Variants in MGME1 observed in about 807,000 individuals in gnomAD.
MGME1 encodes mitochondrial genome maintenance exonuclease 1, also known as chromosome 20 open reading frame 72.
A neutral mutation model predicts 33.0 loss-of-function variants in MGME1; 22 were observed. The observed-to-expected ratio is 0.67, with a 90% CI of 0.48 to 0.95. The LOEUF is 0.95. Among genes scored for constraint, MGME1 ranks in the 40% least tolerant of loss-of-function variants. The pLI, the probability that MGME1 is intolerant of heterozygous loss-of-function variation, is 0.00. For synonymous variants in MGME1, 133 were observed against 144.0 expected (o/e 0.92, Z 0.55); for missense variants, 383 against 397.8 (o/e 0.96, Z 0.32).
intron 3 of MGME1, among the ~76,000 whole-genome samples, chr20:17,983,760 T>C (rs961755450): frequency 1.3e-5 from 2 of 152,210 alleles, no homozygotes; most frequent in African/African-American, 4.8e-5. Context: ...GAAATATTCA[T>C]TGAGCTCCTT....
intron 2 of MGME1, among the ~76,000 whole-genome samples, chr20:17,973,989 TC>T: frequency 1.3e-5 from 2 of 151,060 alleles, no homozygotes; most frequent in Admixed American, 6.6e-5. Flanking sequence ...AGCATAACAG[TC>T]CCCCCTCTTT....
chr20:17,968,954 C>G (rs1600370002), upstream of MGME1: 1 of 155,278 alleles, frequency 6.4e-6, no homozygotes, highest in Admixed American at 6.5e-5. Flanking sequence ...CTCCCTGCCT[C>G]TAACTGGTGG....
chr20:17,980,398 T>G (rs1600393578), intron 3 of MGME1, among the ~76,000 whole-genome samples: 2 of 152,118 alleles, frequency 1.3e-5, no homozygotes, highest in East Asian at 3.9e-4. Context: ...AACCTCTGTT[T>G]AAAAAGCTCC....
upstream of MGME1, chr20:17,968,658 C>G (rs532832909): frequency 4.7e-4 from 283 of 605,606 alleles, 3 homozygotes; most frequent in East Asian, 0.01. Flanking sequence ...TCCCCGCTGC[C>G]GTCCATCTTG....
At chr20:17,980,917 T>A (rs1262153711) in intron 3 of MGME1, among the ~76,000 whole-genome samples, 1 of 139,166 alleles carries the variant, frequency 7.2e-6, no homozygotes, top group Admixed American at 7.2e-5. Flanking sequence ...GTGCATTTGC[T>A]TAAAACTTTT....
chr20:17,969,461 G>A (rs1220980634), intron 1 of MGME1, among the ~76,000 whole-genome samples: 1 of 152,206 alleles, frequency 6.6e-6, no homozygotes, highest in Non-Finnish European at 1.5e-5. Context: ...GGAATTAGTC[G>A]TCGTCTGTCA....
intron 2 of MGME1, among the ~76,000 whole-genome samples, chr20:17,974,488 A>T (rs1409211616): frequency 3.9e-5 from 6 of 152,188 alleles, no homozygotes; most frequent in Admixed American, 1.3e-4. Context: ...ACGCCAACAA[A>T]TCCAGACACT....
chr20:17,984,466 G>A lies in MGME1; in HGVS notation c.732-3700G>A, dbSNP rs7272924. Among the ~76,000 whole-genome samples, 213 of 152,076 alleles carry A rather than the reference G, an allele frequency of 1.4e-3. 1 individual carries two copies. Among genetic ancestry groups the A allele is most frequent in the African/African-American group, 4.5e-3 (185 of 41,486 alleles). The stretch of plus-strand genomic sequence containing the variant: ...ACTACTCGTGTTCGTGGTTATGCTG[G>A]TATAAACTAACCTCCTATTCAGTCA... On this transcript the variant is annotated intron_variant, in intron 3 of 4. Transcript: ENST00000377710.
intron 3 of MGME1, among the ~76,000 whole-genome samples, chr20:17,978,175 A>G (rs1600389759): frequency 6.6e-6 from 1 of 152,110 alleles, no homozygotes; most frequent in Non-Finnish European, 1.5e-5. Context: ...ATAGTCTGAA[A>G]ACTGTTTAGA....
chr20:17,985,466 G>A (rs976976808), intron 3 of MGME1, among the ~76,000 whole-genome samples: 1 of 152,156 alleles, frequency 6.6e-6, no homozygotes, highest in African/African-American at 2.4e-5. Flanking sequence ...GTTACAGTAA[G>A]CTAAAGTTAA....
chr20:17,969,820 T>G lies in MGME1; in HGVS notation c.-40T>G. The stretch of plus-strand genomic sequence containing the variant: ...CAATAGGAATACAAACATAAAGGCC[T>G]TCGACCGTTGCAAATAGACTAAAGT... On this transcript the variant is annotated 5_prime_UTR_variant, in exon 2 of 5. Transcript: ENST00000377710. The G allele has an allele frequency of 1.3e-6, 2 of 1,555,048 alleles. No individual in the cohort carries two copies. The highest frequency in any genetic ancestry group is 1.7e-6 in the Non-Finnish European group (2 of 1,156,042).
intron 3 of MGME1, among the ~76,000 whole-genome samples, chr20:17,980,283 C>T (rs1386714815): frequency 6.6e-6 from 1 of 151,778 alleles, no homozygotes; most frequent in African/African-American, 2.4e-5. Flanking sequence ...GCCTCGGCCT[C>T]CCAAAGTGCT....
At chr20:17,982,538 T>A (rs2036050655) in intron 3 of MGME1, among the ~76,000 whole-genome samples, 1 of 152,252 alleles carries the variant, frequency 6.6e-6, no homozygotes, top group Non-Finnish European at 1.5e-5. Context: ...GTACTCAGGA[T>A]ATCAAGCCAT....
intron 2 of MGME1, among the ~76,000 whole-genome samples, chr20:17,974,799 A>G (rs2035817998): frequency 6.6e-6 from 1 of 152,210 alleles, no homozygotes; most frequent in Non-Finnish European, 1.5e-5. Context: ...CACTAAAAAA[A>G]AAATACAGGA....
chr20:17,970,330 T>C lies in MGME1; in HGVS notation c.471T>C (p.Ile157=). ...TGGAGAGGTGGAAACAGCGGATGAT[T>C]CTGGAACTGGGAGAAGATGGCTTTA... ...FLLERWKQRM[I]LELGEDGFKE... is the part of the protein sequence containing the mutation. Residue 157 remains isoleucine, a synonymous_variant, in exon 2 of 5, where the codon ATT becomes ATC. Transcript: ENST00000377710. 1.2e-6 allele frequency: 2 copies of C among 1,614,008 alleles called. No homozygotes were observed. The highest frequency in any genetic ancestry group is 1.7e-6 in the Non-Finnish European group (2 of 1,180,006).
intron 3 of MGME1, among the ~76,000 whole-genome samples, chr20:17,983,657 T>C (rs2036087778): frequency 6.6e-6 from 1 of 152,220 alleles, no homozygotes; most frequent in Admixed American, 6.5e-5. Flanking sequence ...GAGGTAATAA[T>C]AGCCCAGTGT....
rs568988803 is a variant in MGME1, at chr20:17,988,079, C to A, written c.732-87C>A. 3.8e-6 allele frequency: 5 copies of A among 1,317,678 alleles called. No individual in the cohort carries two copies. In the South Asian group the frequency reaches 7.6e-5, roughly 20 times the overall value. The allele number at this position is 1,317,678 out of a possible 1,614,324, so 81.6% of individuals were successfully genotyped here. A position where few individuals can be genotyped will look rare whatever the true frequency, so the allele number is the denominator to read the frequency against. ...GCAATGGTCATTGGCTGACAAGTAA[C>A]AAACTATACATAAGAGAACTGTTAA... is the stretch of plus-strand genomic sequence containing the variant. On this transcript the variant is annotated intron_variant, in intron 3 of 4. Transcript: ENST00000377710.
At chr20:17,973,481 C>A (rs1182561093) in intron 2 of MGME1, among the ~76,000 whole-genome samples, 2 of 151,640 alleles carry the variant, frequency 1.3e-5, no homozygotes, top group East Asian at 1.9e-4. Flanking sequence ...GATTGCATCT[C>A]TACAAAAAAA....
In MGME1 at chr20:17,969,801, G is replaced by A; in HGVS notation, c.-59G>A. On this transcript the variant is annotated splice_region_variant and 5_prime_UTR_variant, in exon 2 of 5. Coordinates refer to ENST00000377710, the MANE Select transcript of MGME1 (RefSeq NM_052865.4). ...TTGATGGTTGTTTTCTCTCCAATAG[G>A]AATACAAACATAAAGGCCTTCGACC... 6.7e-7 allele frequency: 1 copy of A among 1,496,318 alleles called. No homozygotes were observed. Among genetic ancestry groups the A allele is most frequent in the Non-Finnish European group, 9.0e-7 (1 of 1,116,520 alleles). 92.7% of individuals were successfully genotyped at this position (1,496,318 alleles called of 1,614,324 possible).
Sources: allele counts gnomAD v4.1 joint callset (sites outside exome capture counted in the v4.1 genomes callset), GRCh38; gene constraint gnomAD v4.1.1; transcripts MANE v1.5; gene names NCBI Gene and HGNC (gene_info 2026-07-23, HGNC 2026-07-21).